Variants in DST observed in about 807,000 individuals in gnomAD.
DST encodes the protein bullous pemphigoid antigen.
In DST, 253 loss-of-function variants were observed where a neutral mutation model predicts 875.2. That is an observed-to-expected ratio of 0.29 (90% CI 0.26 to 0.32). The LOEUF (loss-of-function observed/expected upper bound fraction) is 0.32. Among genes scored for constraint, DST ranks in the 10% least tolerant of loss-of-function variants. The pLI is 1.00. For missense variants in DST, 8,287 were observed against 9,111.6 expected (o/e 0.91, Z 3.68); for synonymous variants, 3,124 against 3,197.1 (o/e 0.98, Z 0.77).
At chr6:56,706,927 C>T (rs2099343059) in intron 5 of DST, among the ~76,000 whole-genome samples, 1 of 152,226 alleles carries the variant, frequency 6.6e-6, no homozygotes, top group African/African-American at 2.4e-5. Context: ...ATCACTCGAA[C>T]CCAAGAGGCG....
chr6:56,741,319 G>C (rs1052522949), intron 4 of DST, among the ~76,000 whole-genome samples: 58 of 152,254 alleles, frequency 3.8e-4, no homozygotes, highest in African/African-American at 1.3e-3. Flanking sequence ...ATTATGATCC[G>C]TAACTAAAGT....
intron 9 of DST, among the ~76,000 whole-genome samples, chr6:56,695,376 A>G (rs2099258049): frequency 6.6e-6 from 1 of 151,124 alleles, no homozygotes; most frequent in Non-Finnish European, 1.5e-5. Context: ...AGCCTCAGGT[A>G]TGCCTTTACA....
At chr6:56,796,113 A>G (rs2153013023) in intron 4 of DST, among the ~76,000 whole-genome samples, 1 of 152,348 alleles carries the variant, frequency 6.6e-6, no homozygotes, top group Non-Finnish European at 1.5e-5. Flanking sequence ...GAAACAGAAC[A>G]GCTCACAAGG....
intron 42 of DST, 32 bp from the exon 43 acceptor site, chr6:56,603,063 T>C (rs1351770957): frequency 1.3e-6 from 2 of 1,550,388 alleles, no homozygotes; most frequent in East Asian, 4.5e-5. Context: ...TCAGTTATCT[T>C]TCCCCAAAAT....
chr6:56,527,428 T>C (rs943847999), intron 68 of DST, 65 bp downstream of exon 68: 2 of 1,529,294 alleles, frequency 1.3e-6, no homozygotes, highest in Non-Finnish European at 1.8e-6. Flanking sequence ...ATAATTTTAT[T>C]TTTGTGTGAA....
chr6:56,929,496 T>C (rs1302907363), intron 2 of DST, among the ~76,000 whole-genome samples: 1 of 152,156 alleles, frequency 6.6e-6, no homozygotes, highest in African/African-American at 2.4e-5. Flanking sequence ...AAATAAAATA[T>C]ATTTTTATTT....
rs754288815 is a variant in DST, at chr6:56,529,796, AAAG to A, written c.17269-25_17269-23del. The stretch of plus-strand genomic sequence containing the variant: ...AGGCCTAAGCAAAGTTTAAAAAAAT[AAAG>A]AAGAAAAACAAAAAGAATGGACAAA... On this transcript the variant is annotated intron_variant, in intron 65 of 103. Coordinates refer to ENST00000680361, the MANE Select transcript of DST (RefSeq NM_001374736.1). The A allele has an allele frequency of 3.8e-5, 56 of 1,489,226 alleles. 1 individual carries two copies. Among genetic ancestry groups the A allele is most frequent in the Non-Finnish European group, 3.7e-5 (41 of 1,121,386 alleles). 92.3% of individuals were successfully genotyped at this position (1,489,226 alleles called of 1,614,324 possible). A position where few individuals can be genotyped will look rare whatever the true frequency, so the allele number is the denominator to read the frequency against.
At chr6:56,772,937 T>C (rs1259203233) in intron 4 of DST, among the ~76,000 whole-genome samples, 2 of 152,144 alleles carry the variant, frequency 1.3e-5, no homozygotes, top group Non-Finnish European at 2.9e-5. Context: ...TCAGCTTGGG[T>C]GCCTACTCTC....
At chr6:56,691,421 G>A (rs1165152371) in intron 9 of DST, among the ~76,000 whole-genome samples, 4 of 152,124 alleles carry the variant, frequency 2.6e-5, no homozygotes, top group African/African-American at 9.7e-5. Context: ...AGTGATGATG[G>A]CGCACACTAA....
chr6:56,527,493 C>T lies in DST; in HGVS notation c.17922G>A (p.Lys5974=), dbSNP rs1452785409. 2.5e-6 allele frequency: 4 copies of T among 1,612,858 alleles called. No homozygotes were observed. The African/African-American group carries it at 5.3e-5, about 22-fold the overall frequency. Residue 5974 remains lysine (K), a splice_region_variant and synonymous_variant, in exon 68 of 104, where the codon AAG becomes AAA. Coordinates refer to ENST00000680361, the MANE Select transcript of DST (RefSeq NM_001374736.1). ...EEASQAQMRP[K]ELKKEAKNNK... ...CCAAAATGCAGAAATCAGAGCTTACCTTTGGTCTCATTTGTGCTTGACTTG... is the reference window on the plus strand; with the variant it reads ...CCAAAATGCAGAAATCAGAGCTTACTTTTGGTCTCATTTGTGCTTGACTTG...
chr6:56,522,595 C>T (rs563627940), intron 69 of DST, among the ~76,000 whole-genome samples: 19 of 152,170 alleles, frequency 1.2e-4, no homozygotes, highest in African/African-American at 4.6e-4. Context: ...GAGATGTTTC[C>T]TTCTGGTCCT....
At chr6:56,829,585 T>A (rs914071259) in intron 4 of DST, among the ~76,000 whole-genome samples, 5 of 152,136 alleles carry the variant, frequency 3.3e-5, no homozygotes, top group Admixed American at 1.3e-4. Context: ...AAACCATGAA[T>A]GTGGTGATCA....
intron 2 of DST, among the ~76,000 whole-genome samples, chr6:56,952,496 G>A (rs1270921544): frequency 2.0e-5 from 3 of 151,826 alleles, no homozygotes; most frequent in African/African-American, 7.3e-5. Context: ...CGATAGTCCC[G>A]GTTTTTGATG....
Position 56,607,527 on chromosome 6 carries a change from T to G in DST, c.7101A>C (p.Thr2367=). The change falls in exon 40 of 104, where the codon ACA becomes ACC. Residue 2367 remains threonine, a synonymous_variant. Coordinates refer to ENST00000680361, the MANE Select transcript of DST (RefSeq NM_001374736.1). ...MLRSDSENIL[T]NYENQSRVET... is the part of the protein sequence containing the mutation. ...CCACTCGGCTTTGATTTTCATAGTTTGTAAGTATGTTTTCAGAGTCACTTC... is the reference window on the plus strand; with the variant it reads ...CCACTCGGCTTTGATTTTCATAGTTGGTAAGTATGTTTTCAGAGTCACTTC... The G allele has an allele frequency of 6.2e-7, 1 of 1,603,450 alleles. No individual in the cohort carries two copies. Among genetic ancestry groups the G allele is most frequent in the African/African-American group, 1.3e-5 (1 of 74,876 alleles).
intron 75 of DST, among the ~76,000 whole-genome samples, chr6:56,507,015 A>C (rs925875358): frequency 2.0e-5 from 3 of 152,228 alleles, no homozygotes; most frequent in African/African-American, 7.2e-5. Context: ...ATATTTAAGA[A>C]ATGATAAATA....
intron 24 of DST, among the ~76,000 whole-genome samples, chr6:56,635,251 T>G (rs1425850300): frequency 6.6e-6 from 1 of 152,210 alleles, no homozygotes; most frequent in African/African-American, 2.4e-5. Context: ...GTAGAGATTC[T>G]TGTCTGCTTT....
intron 2 of DST, among the ~76,000 whole-genome samples, chr6:56,941,241 T>C (rs1011042017): frequency 6.6e-6 from 1 of 152,162 alleles, no homozygotes; most frequent in Non-Finnish European, 1.5e-5. Context: ...AGATACTGTG[T>C]TTTCATTATC....
intron 37 of DST, 27 bp downstream of exon 37, chr6:56,614,329 T>C: frequency 1.3e-6 from 2 of 1,565,940 alleles, no homozygotes; most frequent in Middle Eastern, 1.7e-4. Context: ...ATTATTATTA[T>C]TATTAAACCA....
chr6:56,643,691 A>C (rs567211754), intron 15 of DST, among the ~76,000 whole-genome samples: 5 of 152,194 alleles, frequency 3.3e-5, no homozygotes, highest in Admixed American at 1.3e-4. Context: ...CCTACCTCCA[A>C]TAATACTGTT....
Sources: gnomAD v4.1 joint callset for allele counts (sites outside exome capture counted in the v4.1 genomes callset) on GRCh38, gnomAD v4.1.1 for gene constraint, MANE v1.5 for transcripts, NCBI Gene and HGNC (gene_info 2026-07-23, HGNC 2026-07-21) for gene names.